The following PLCH1 variants were observed in gnomAD, a reference collection of about 807,000 sequenced individuals.
PLCH1 encodes the protein 1-phosphatidylinositol 4,5-bisphosphate phosphodiesterase eta-1.
In PLCH1, 60 loss-of-function variants were observed where a neutral mutation model predicts 126.7. The ratio of observed to expected loss-of-function variants is 0.47; its 90% CI spans 0.38 to 0.59. The LOEUF is 0.59. Among genes scored for constraint, PLCH1 ranks in the 20% least tolerant of loss-of-function variants. PLCH1 has a pLI of 0.00. For missense variants in PLCH1, 1,723 were observed against 2,040.0 expected (o/e 0.84, Z 2.99); for synonymous variants, 719 against 734.9 (o/e 0.98, Z 0.35).
intron 7 of PLCH1, among the ~76,000 whole-genome samples, chr3:155,567,113 C>T (rs539170890): frequency 4.5e-4 from 68 of 152,222 alleles, no homozygotes; most frequent in African/African-American, 1.5e-3. Flanking sequence ...CACTCTGTCA[C>T]CCAGGTTGAA....
rs766629727 is a variant in PLCH1 at position 155,504,592 on chromosome 3, T to C, written c.1667A>G (p.His556Arg). ...AAAGTTGGTCATGAGGGATCGTCCATGTGATTTCTTTCCACTTTCCTTTAC... is the reference window on the plus strand; with the variant it reads ...AAAGTTGGTCATGAGGGATCGTCCACGTGATTTCTTTCCACTTTCCTTTAC... Reference protein sequence around the residue: ...PDVKESGKKSHGRSLMTNFGK... With the variant: ...PDVKESGKKSRGRSLMTNFGK... The change falls in exon 13 of 23, where the codon CAT (histidine) becomes CGT (arginine). Residue 556 changes from histidine to arginine, a missense_variant. His to Arg is a conservative substitution (Grantham distance 29). Coordinates refer to ENST00000460012, the MANE Select transcript of PLCH1 (RefSeq NM_014996.4). 2 of 1,607,876 alleles carry C rather than the reference T, an allele frequency of 1.2e-6. No individual in the cohort carries two copies. Among genetic ancestry groups the C allele is most frequent in the East Asian group, 2.2e-5 (1 of 44,852 alleles).
intron 2 of PLCH1, among the ~76,000 whole-genome samples, chr3:155,605,204 A>T (rs969218711): frequency 2.0e-5 from 3 of 152,164 alleles, no homozygotes; most frequent in African/African-American, 7.2e-5. Flanking sequence ...TCAGGTTCAC[A>T]TCGGTGACTA....
intron 21 of PLCH1, among the ~76,000 whole-genome samples, chr3:155,460,024 G>A (rs1712649946): frequency 6.6e-6 from 1 of 152,132 alleles, no homozygotes; most frequent in South Asian, 2.1e-4. Flanking sequence ...AGCAATCTGT[G>A]TTTTAACTAG....
intron 4 of PLCH1, among the ~76,000 whole-genome samples, chr3:155,590,577 CAAA>C (rs35443780): frequency 1.6e-5 from 2 of 125,596 alleles, no homozygotes; most frequent in Admixed American, 8.2e-5. Flanking sequence ...GACTCCATCT[CAAA>C]AAAAAAAAAA....
At position 155,481,099 on chromosome 3, in the gene PLCH1, C is replaced by T; in HGVS notation, c.4927G>A (p.Gly1643Ser). 1 of 1,614,222 alleles carries T rather than the reference C, an allele frequency of 6.2e-7. No homozygotes were observed. The highest frequency in any genetic ancestry group is 8.5e-7 in the Non-Finnish European group (1 of 1,180,024). Reference sequence around the variant, plus strand: ...GCCGTGCATGCCCCCTCTGGGATGCCCCGGCCTTCAAGGCCACCCCCTTTC... The same window carrying T: ...GCCGTGCATGCCCCCTCTGGGATGCTCCGGCCTTCAAGGCCACCCCCTTTC... ...NTKGGGLEGR[G>S]IPEGACTALH... The change falls in exon 23 of 23, where the codon GGC (glycine) becomes AGC (serine). Residue 1643 changes from glycine (G) to serine (S), a missense_variant. This residue lies in a region of PLCH1 where 947 missense variants were observed against 977.1 expected (regional missense o/e 0.97). Coordinates refer to ENST00000460012, the MANE Select transcript of PLCH1 (RefSeq NM_014996.4). The surrounding 1 kb of genome is among the most constrained non-coding windows in gnomAD (Gnocchi z 4.2).
chr3:155,680,479 G>A (rs1744424021), intron 2 of PLCH1, among the ~76,000 whole-genome samples: 1 of 152,102 alleles, frequency 6.6e-6, no homozygotes, highest in African/African-American at 2.4e-5. Flanking sequence ...GCAAGTATAG[G>A]GTGCAGCTTC....
chr3:155,529,644 C>T (rs755606870), intron 10 of PLCH1, among the ~76,000 whole-genome samples: 26 of 152,286 alleles, frequency 1.7e-4, no homozygotes, highest in Admixed American at 1.2e-3. Flanking sequence ...ATCATCTGAA[C>T]CTTTGGCAAA....
intron 21 of PLCH1, among the ~76,000 whole-genome samples, chr3:155,467,449 C>A (rs946877202): frequency 6.6e-6 from 1 of 151,880 alleles, no homozygotes; most frequent in Non-Finnish European, 1.5e-5. Context: ...TGGTGCGCAC[C>A]TGTAATCCCA....
At chr3:155,460,061 A>G (rs1712651206) in intron 21 of PLCH1, among the ~76,000 whole-genome samples, 1 of 152,172 alleles carries the variant, frequency 6.6e-6, no homozygotes, top group African/African-American at 2.4e-5. Context: ...GATGCACACT[A>G]AAGTTTAAGA....
At chr3:155,614,456 C>A (rs6779367) in intron 2 of PLCH1, among the ~76,000 whole-genome samples, 73,499 of 150,502 alleles carry the variant, frequency 0.49, 20,184 homozygotes, top group African/African-American at 0.74. Flanking sequence ...GGCACACAGA[C>A]CAATAGAACA....
chr3:155,714,535 GA>G (rs988713219), intron 1 of PLCH1, among the ~76,000 whole-genome samples: 23 of 152,182 alleles, frequency 1.5e-4, no homozygotes, highest in Admixed American at 3.9e-4. Flanking sequence ...TACACAAAGG[GA>G]AAGAAATAAA....
At chr3:155,720,299 T>C (rs1747851901) in intron 1 of PLCH1, among the ~76,000 whole-genome samples, 1 of 152,250 alleles carries the variant, frequency 6.6e-6, no homozygotes, top group Non-Finnish European at 1.5e-5. Context: ...CTCCACACTA[T>C]TTTCCACAGT....
chr3:155,585,241 G>T (rs1444845305), intron 5 of PLCH1, among the ~76,000 whole-genome samples: 1 of 152,096 alleles, frequency 6.6e-6, no homozygotes, highest in African/African-American at 2.4e-5. Context: ...ACCCCATGTT[G>T]TCTCTGCTCT....
chr3:155,708,359 C>T (rs926884041), intron 1 of PLCH1, among the ~76,000 whole-genome samples: 2 of 152,146 alleles, frequency 1.3e-5, no homozygotes, highest in Admixed American at 6.5e-5. Context: ...AGAGCCAGGC[C>T]CTAGGGCTCA....
In PLCH1 at chr3:155,481,235, T is replaced by C; in HGVS notation, c.4791A>G (p.Pro1597=). 1 of 1,614,236 alleles carries C rather than the reference T, an allele frequency of 6.2e-7. No individual in the cohort carries two copies. The change falls in exon 23 of 23, where the codon CCA becomes CCG. Residue 1597 remains proline (P), a synonymous_variant. Transcript: ENST00000460012. The surrounding 1 kb of genome is among the most constrained non-coding windows in gnomAD (Gnocchi z 4.2). The stretch of plus-strand genomic sequence containing the variant: ...CCACTCCTGCCCCATTGCTGGGGTT[T>C]GGAACTTTCTGCTTGTTGGCTTCCT... ...EKQEANKQKV[P]NPSNGAGVVL...
rs943928322 is a variant in PLCH1 at position 155,469,016 on chromosome 3, T to G, written c.2938+16340A>C. Reference sequence around the variant, plus strand: ...TCATTCTCAAGGACAGACCATATGTTAGGTCACAAAACAAGTCTTAAAACA... The same window carrying G: ...TCATTCTCAAGGACAGACCATATGTGAGGTCACAAAACAAGTCTTAAAACA... On this transcript the variant is annotated intron_variant, in intron 21 of 21. Coordinates refer to the PLCH1 transcript ENST00000494598. Among the ~76,000 whole-genome samples, 18 of 152,296 alleles carry G rather than the reference T, an allele frequency of 1.2e-4. 1 individual carries two copies. The highest frequency in any genetic ancestry group is 2.9e-5 in the Non-Finnish European group (2 of 68,034).
At chr3:155,637,657 T>G (rs1398196267) in intron 2 of PLCH1, among the ~76,000 whole-genome samples, 1 of 152,212 alleles carries the variant, frequency 6.6e-6, no homozygotes, top group Non-Finnish European at 1.5e-5. Context: ...CTTATACTTC[T>G]CTACAGAGGA....
At chr3:155,567,538 T>C (rs4389522) in intron 7 of PLCH1, among the ~76,000 whole-genome samples, 8,790 of 152,264 alleles carry the variant, frequency 0.058, 292 homozygotes, top group Middle Eastern at 0.11. Flanking sequence ...CATGCTCTTA[T>C]AGGCAGCTGG....
chr3:155,523,123 C>G (rs1051349462), intron 11 of PLCH1, among the ~76,000 whole-genome samples: 1 of 151,992 alleles, frequency 6.6e-6, no homozygotes, highest in African/African-American at 2.4e-5. Context: ...TACAGGCGCC[C>G]ACCACCACGC....
Sources: gnomAD v4.1 joint callset for allele counts (sites outside exome capture counted in the v4.1 genomes callset) on GRCh38, gnomAD v4.1.1 for gene constraint, gnomAD v4.1.1 regional missense constraint, Gnocchi (gnomAD v3.1) non-coding constraint, MANE v1.5 for transcripts, NCBI Gene and HGNC (gene_info 2026-07-23, HGNC 2026-07-21) for gene names.